Variants in RPS6KC1 observed in about 807,000 individuals in gnomAD.
RPS6KC1 encodes the protein inactive ribosomal protein S6 kinase delta-1.
RPS6KC1 carries 54 observed loss-of-function variants against 103.8 expected under a neutral mutation model. That is an observed-to-expected ratio of 0.52 (90% CI 0.42 to 0.65). The LOEUF is 0.65. Ranked by LOEUF, RPS6KC1 falls within the 30% of genes least tolerant of loss-of-function variation. The probability of loss-of-function intolerance (pLI) is 0.00; values close to 1 mark genes in which losing one functional copy is unlikely to be tolerated. For missense variants in RPS6KC1, 1,151 were observed against 1,253.8 expected (o/e 0.92, Z 1.24); for synonymous variants, 439 against 438.7 (o/e 1.00, Z -0.01).
chr1:213,241,386 A>T lies in RPS6KC1; in HGVS notation c.1910A>T (p.Asp637Val). ...TTGAAACCATTCTTTACTCTTCCAG[A>T]TGGAGACAGTGCTTCTAGGAGTTTT... ...EPLKPFFTLP[D>V]GDSASRSFNT... Residue 637 changes from aspartate (D) to valine (V), a missense_variant, in exon 11 of 15, where the codon GAT becomes GTT. Transcript: ENST00000366960. The T allele has an allele frequency of 6.2e-7, 1 of 1,613,938 alleles. No homozygotes were observed. Among genetic ancestry groups the T allele is most frequent in the Non-Finnish European group, 8.5e-7 (1 of 1,179,936 alleles).
chr1:213,697,628 G>A, the RPS6KC1 span, among the ~76,000 whole-genome samples: 3 of 152,202 alleles, frequency 2.0e-5, no homozygotes, highest in South Asian at 4.1e-4. Context: ...AGTGGTGGGA[G>A]GAGCCTTGGA....
chr1:213,584,453 C>T, the RPS6KC1 span, among the ~76,000 whole-genome samples: 1 of 152,178 alleles, frequency 6.6e-6, no homozygotes, highest in African/African-American at 2.4e-5. Context: ...GAAATGGCTG[C>T]AGTTAACAAA....
the RPS6KC1 span, among the ~76,000 whole-genome samples, chr1:213,745,539 A>G: frequency 6.6e-6 from 1 of 152,110 alleles, no homozygotes; most frequent in African/African-American, 2.4e-5. Flanking sequence ...TTGGATTTCA[A>G]ACACCGGCAT....
chr1:213,083,034 C>G (rs2080046303), intron 3 of RPS6KC1, among the ~76,000 whole-genome samples: 1 of 152,168 alleles, frequency 6.6e-6, no homozygotes, highest in Non-Finnish European at 1.5e-5. Flanking sequence ...TTGTGGCTAT[C>G]ACTTTTGTTT....
intron 3 of RPS6KC1, among the ~76,000 whole-genome samples, chr1:213,098,025 G>A (rs2081626081): frequency 6.6e-6 from 1 of 152,188 alleles, no homozygotes; most frequent in Non-Finnish European, 1.5e-5. Flanking sequence ...TGTGTTCACT[G>A]GAGTAACACT....
chr1:213,465,675 A>T, the RPS6KC1 span, among the ~76,000 whole-genome samples: 1 of 152,018 alleles, frequency 6.6e-6, no homozygotes, highest in Non-Finnish European at 1.5e-5. Flanking sequence ...AATACAATTA[A>T]CTTTTTCTAG....
chr1:213,140,148 G>A (rs1006618106), intron 6 of RPS6KC1, among the ~76,000 whole-genome samples: 4 of 151,966 alleles, frequency 2.6e-5, no homozygotes, highest in Non-Finnish European at 5.9e-5. Flanking sequence ...CAGCTTAGAC[G>A]TGATTGATGT....
the RPS6KC1 span, among the ~76,000 whole-genome samples, chr1:213,415,938 A>C: frequency 6.6e-6 from 1 of 152,204 alleles, no homozygotes; most frequent in Admixed American, 6.5e-5. Flanking sequence ...AATGTGAACT[A>C]TTTGGGGATT....
chr1:213,174,915 G>A (rs1215463581), intron 7 of RPS6KC1, among the ~76,000 whole-genome samples: 1 of 151,852 alleles, frequency 6.6e-6, no homozygotes, highest in East Asian at 1.9e-4. Flanking sequence ...CAATTTAAAG[G>A]TTATTATCTA....
intron 5 of RPS6KC1, among the ~76,000 whole-genome samples, chr1:213,118,412 AAAT>A (rs1321344936): frequency 6.6e-6 from 1 of 152,136 alleles, no homozygotes; most frequent in Non-Finnish European, 1.5e-5. Context: ...ATTAAAGGTA[AAAT>A]AATAAACTAA....
At chr1:213,409,776 T>C in the RPS6KC1 span, among the ~76,000 whole-genome samples, 1 of 152,232 alleles carries the variant, frequency 6.6e-6, no homozygotes, top group South Asian at 2.1e-4. Context: ...TGTTGAAATA[T>C]ATAAAGTTGA....
chr1:213,698,577 G>A, the RPS6KC1 span, among the ~76,000 whole-genome samples: 1 of 152,068 alleles, frequency 6.6e-6, no homozygotes, highest in East Asian at 1.9e-4. Flanking sequence ...TTTGAATTCT[G>A]AAATGTTACT....
the RPS6KC1 span, among the ~76,000 whole-genome samples, chr1:213,793,032 C>T: frequency 2.6e-5 from 4 of 152,092 alleles, no homozygotes; most frequent in Non-Finnish European, 4.4e-5. Context: ...ACAAAGTTTT[C>T]CCCAGAGAGC....
the RPS6KC1 span, among the ~76,000 whole-genome samples, chr1:213,296,394 A>C: frequency 6.6e-6 from 1 of 152,182 alleles, no homozygotes; most frequent in Non-Finnish European, 1.5e-5. Context: ...ATGCAAAGAG[A>C]GCCAAGTACT....
At chr1:213,317,929 G>T in the RPS6KC1 span, among the ~76,000 whole-genome samples, 2 of 152,228 alleles carry the variant, frequency 1.3e-5, no homozygotes, top group Non-Finnish European at 2.9e-5. Flanking sequence ...CATCCCCTGA[G>T]CAGGGCTGTC....
At chr1:213,117,222 C>T (rs2083756796) in intron 4 of RPS6KC1, 95 bp from the exon 5 acceptor site, 2 of 578,002 alleles carry the variant, frequency 3.5e-6, no homozygotes, top group Admixed American at 2.9e-5. Context: ...CGTTTCTGTA[C>T]ATCTTTACAC....
the RPS6KC1 span, among the ~76,000 whole-genome samples, chr1:213,834,808 C>T: frequency 4.6e-5 from 7 of 152,120 alleles, no homozygotes; most frequent in East Asian, 1.9e-4. Flanking sequence ...GACTGTTTTC[C>T]GCATTCTGTA....
At chr1:213,790,466 G>C in the RPS6KC1 span, among the ~76,000 whole-genome samples, 1 of 152,040 alleles carries the variant, frequency 6.6e-6, no homozygotes, top group African/African-American at 2.4e-5. Context: ...AAAAACTATG[G>C]TATTTTGTGT....
chr1:213,106,456 G>A (rs1233599209), intron 4 of RPS6KC1, among the ~76,000 whole-genome samples: 2 of 152,150 alleles, frequency 1.3e-5, no homozygotes, highest in African/African-American at 4.8e-5. Flanking sequence ...ACATGATCTA[G>A]AGATAGTCCT....
Sources: gnomAD v4.1 joint callset for allele counts (sites outside exome capture counted in the v4.1 genomes callset) on GRCh38, gnomAD v4.1.1 for gene constraint, MANE v1.5 for transcripts, NCBI Gene and HGNC (gene_info 2026-07-23, HGNC 2026-07-21) for gene names.